Variants in SOX6 observed in about 807,000 individuals in gnomAD.
SOX6 encodes transcription factor SOX-6.
A neutral mutation model predicts 97.8 loss-of-function variants in SOX6; 11 were observed. The observed-to-expected ratio is 0.11, with a 90% confidence interval of 0.07 to 0.19. The LOEUF (loss-of-function observed/expected upper bound fraction) is 0.19, where lower values mean the gene tolerates loss of function less well. SOX6 is among the 10% of genes least tolerant of loss of function. The pLI is 1.00. For missense variants in SOX6, 810 were observed against 1,039.5 expected, an observed-to-expected ratio of 0.78 and a Z score of 3.04; for synonymous variants, 360 against 371.4, an observed-to-expected ratio of 0.97 and a Z score of 0.35.
chr11:16,476,016 T>A (rs1860239346), intron 1 of SOX6, among the ~76,000 whole-genome samples: 1 of 152,176 alleles, frequency 6.6e-6, no homozygotes. Context: ...CTCTTTAAGA[T>A]AACTCATTCC....
intron 6 of SOX6, among the ~76,000 whole-genome samples, chr11:16,178,142 G>A (rs779908567): frequency 6.6e-6 from 1 of 151,906 alleles, no homozygotes; most frequent in Non-Finnish European, 1.5e-5. Context: ...CTTGGGATCT[G>A]GTCAGTTCTC....
intron 13 of SOX6, among the ~76,000 whole-genome samples, chr11:16,003,252 GT>G (rs1398878496): frequency 6.6e-6 from 1 of 151,882 alleles, no homozygotes. Context: ...ACTATTTCCA[GT>G]TCTCCACACA....
At chr11:16,583,638 C>CATATGTATATATATATAT (rs1329710047) in intron 4 of SOX6, among the ~76,000 whole-genome samples, 4 of 104,634 alleles carry the variant, frequency 3.8e-5, no homozygotes, top group South Asian at 5.8e-4. Flanking sequence ...TATATATATA[C>CATATGTATATATATATAT]ACATACACAC....
At chr11:16,646,862 T>C (rs1395197969) in intron 3 of SOX6, among the ~76,000 whole-genome samples, 1 of 152,232 alleles carries the variant, frequency 6.6e-6, no homozygotes, top group Non-Finnish European at 1.5e-5. Context: ...TGCAAGTATC[T>C]TTTTTGTATA....
intron 2 of SOX6, among the ~76,000 whole-genome samples, chr11:16,721,381 T>C (rs1404787039): frequency 6.6e-6 from 1 of 152,136 alleles, no homozygotes; most frequent in Non-Finnish European, 1.5e-5. Context: ...GGGAACTTTT[T>C]TTCTCCCCCA....
intron 4 of SOX6, among the ~76,000 whole-genome samples, chr11:16,565,897 C>T (rs1013955355): frequency 2.0e-5 from 3 of 151,966 alleles, no homozygotes; most frequent in Non-Finnish European, 4.4e-5. Context: ...GAGATCGAGA[C>T]CATCCTGGCT....
chr11:16,453,093 T>C (rs903889254), intron 1 of SOX6, among the ~76,000 whole-genome samples: 2 of 152,220 alleles, frequency 1.3e-5, no homozygotes, highest in African/African-American at 4.8e-5. Context: ...TTTATTCCCA[T>C]ACTCCTGATA....
chr11:16,136,183 T>C (rs1849955482), intron 6 of SOX6, among the ~76,000 whole-genome samples: 3 of 151,734 alleles, frequency 2.0e-5, no homozygotes, highest in African/African-American at 7.3e-5. Flanking sequence ...CACGCCCAGC[T>C]AATTTTTTTG....
chr11:16,232,689 C>T (rs1302510049), intron 4 of SOX6, among the ~76,000 whole-genome samples: 1 of 152,040 alleles, frequency 6.6e-6, no homozygotes, highest in Non-Finnish European at 1.5e-5. Flanking sequence ...TAAGAGAAAG[C>T]AGGACCCTCA....
chr11:16,121,171 T>C (rs2134007266), intron 6 of SOX6, among the ~76,000 whole-genome samples: 1 of 152,196 alleles, frequency 6.6e-6, no homozygotes, highest in East Asian at 1.9e-4. Context: ...AAGTAATTAC[T>C]TTATTTCTTA....
intron 3 of SOX6, among the ~76,000 whole-genome samples, chr11:16,253,272 C>G (rs1166484971): frequency 6.6e-6 from 1 of 151,870 alleles, no homozygotes; most frequent in Non-Finnish European, 1.5e-5. Context: ...TCCATTGAAC[C>G]CAGGAGGCGG....
chr11:16,161,246 A>G (rs369709835), intron 6 of SOX6, among the ~76,000 whole-genome samples: 2 of 151,638 alleles, frequency 1.3e-5, no homozygotes, highest in East Asian at 1.9e-4. Context: ...TAGTACACCT[A>G]TTTCTTTATT....
chr11:16,342,968 C>A (rs780459451), intron 1 of SOX6, among the ~76,000 whole-genome samples: 3 of 151,716 alleles, frequency 2.0e-5, no homozygotes, highest in South Asian at 2.1e-4. Flanking sequence ...CCTATAATTT[C>A]TTTGAGAAGA....
intron 4 of SOX6, among the ~76,000 whole-genome samples, chr11:16,529,236 A>G (rs1218068939): frequency 6.6e-6 from 1 of 152,104 alleles, no homozygotes; most frequent in African/African-American, 2.4e-5. Flanking sequence ...CCATCAGGTA[A>G]ATAATAATTA....
chr11:16,082,430 G>C (rs1339154098), intron 9 of SOX6, among the ~76,000 whole-genome samples: 2 of 152,104 alleles, frequency 1.3e-5, no homozygotes, highest in African/African-American at 2.4e-5. Context: ...CTTACTTCTT[G>C]CTTCATTATT....
intron 3 of SOX6, among the ~76,000 whole-genome samples, chr11:16,699,500 T>A (rs900696841): frequency 6.6e-6 from 1 of 152,202 alleles, no homozygotes; most frequent in African/African-American, 2.4e-5. Flanking sequence ...TTGCTATCTC[T>A]GGAGTGGAGC....
At chr11:16,187,306 T>C (rs1371006270) in intron 4 of SOX6, among the ~76,000 whole-genome samples, 5 of 152,142 alleles carry the variant, frequency 3.3e-5, no homozygotes, top group Admixed American at 3.3e-4. Flanking sequence ...TCAGAAACTA[T>C]AGATTATATT....
At chr11:16,411,969 G>A (rs1486825258) in intron 1 of SOX6, among the ~76,000 whole-genome samples, 1 of 152,150 alleles carries the variant, frequency 6.6e-6, no homozygotes. Flanking sequence ...AAAGTACTCT[G>A]TCCAATTCCT....
chr11:16,525,130 A>T (rs1186745076), intron 4 of SOX6, among the ~76,000 whole-genome samples: 1 of 152,188 alleles, frequency 6.6e-6, no homozygotes, highest in African/African-American at 2.4e-5. Flanking sequence ...GGAAAAAACT[A>T]CTTTAAAGTT....
Sources: allele counts gnomAD v4.1 joint callset (sites outside exome capture counted in the v4.1 genomes callset), GRCh38; gene constraint gnomAD v4.1.1; transcripts MANE v1.5; gene names NCBI Gene and HGNC (gene_info 2026-07-23, HGNC 2026-07-21).